PLEKHA7: variants seen among roughly 807,000 people sequenced by gnomAD.
The protein encoded by PLEKHA7 is pleckstrin homology domain-containing family A member 7.
A neutral mutation model predicts 170.0 loss-of-function variants in PLEKHA7; 104 were observed. The observed-to-expected ratio is 0.61, with a 90% confidence interval of 0.52 to 0.72. The LOEUF is 0.72. PLEKHA7 is among the 30% of genes least tolerant of loss of function. The pLI, the probability that PLEKHA7 is intolerant of heterozygous loss-of-function variation, is 0.00. For missense variants in PLEKHA7, 1,615 were observed against 1,671.7 expected, an observed-to-expected ratio of 0.97 and a Z score of 0.59; for synonymous variants, 648 against 660.8, an observed-to-expected ratio of 0.98 and a Z score of 0.30.
chr11:16,977,375 A>G (rs1360550170), intron 3 of PLEKHA7, among the ~76,000 whole-genome samples: 2 of 152,048 alleles, frequency 1.3e-5, no homozygotes, highest in African/African-American at 4.8e-5. Flanking sequence ...CACATTGCTC[A>G]CACGTCTCCC....
rs1849741569 is a variant in PLEKHA7, at chr11:16,816,195, T to C, written c.1936A>G (p.Ser646Gly). Residue 646 changes from serine (S) to glycine (G), a missense_variant, in exon 12 of 27, where the codon AGT becomes GGT. Transcript: ENST00000531066. Reference sequence around the variant, plus strand: ...CACCCTACCGATTTTCCATGTAAACTGGGAGCGCTGACGGTGTGGGTCATG... The same window carrying C: ...CACCCTACCGATTTTCCATGTAAACCGGGAGCGCTGACGGTGTGGGTCATG... ...GYMTHTVSAP[S>G]LHGKSADDTY... 3.7e-6 allele frequency: 6 copies of C among 1,613,320 alleles called. No individual in the cohort carries two copies. Among genetic ancestry groups the C allele is most frequent in the Non-Finnish European group, 5.1e-6 (6 of 1,179,304 alleles).
chr11:16,983,736 A>G (rs1863572309), intron 3 of PLEKHA7, among the ~76,000 whole-genome samples: 1 of 152,214 alleles, frequency 6.6e-6, no homozygotes, highest in South Asian at 2.1e-4. Context: ...CTCCCTGCTC[A>G]TTCCCAAGTC....
Position 16,870,155 on chromosome 11 carries a change from C to T in PLEKHA7, c.305+944G>A, listed in dbSNP as rs894845259. Among the ~76,000 whole-genome samples the T allele has an allele frequency of 1.3e-4, 20 of 152,224 alleles. No individual in the cohort carries two copies. In the South Asian group the frequency reaches 1.9e-3, roughly 14 times the overall value. On this transcript the variant is annotated intron_variant, in intron 4 of 26. Coordinates refer to ENST00000531066, the MANE Select transcript of PLEKHA7 (RefSeq NM_001329630.2). ...AACTGAGCTGAGGAGCAGGAAAGTT[C>T]CCATGTTAGGAAAAGAGAACAGAAA...
At chr11:16,866,309 A>G (rs2135590812) in intron 4 of PLEKHA7, among the ~76,000 whole-genome samples, 1 of 152,076 alleles carries the variant, frequency 6.6e-6, no homozygotes, top group African/African-American at 2.4e-5. Flanking sequence ...AGGGCAGAGC[A>G]GGCTGGGCAC....
intron 3 of PLEKHA7, among the ~76,000 whole-genome samples, chr11:16,959,793 G>A (rs1861931748): frequency 1.3e-5 from 2 of 152,142 alleles, no homozygotes; most frequent in African/African-American, 4.8e-5. Flanking sequence ...GTGGTTCCTG[G>A]CTAAAGCTCT....
intron 3 of PLEKHA7, among the ~76,000 whole-genome samples, chr11:16,889,415 AAAAAAATATATATAT>A (rs1391253582): frequency 7.7e-5 from 9 of 116,662 alleles, no homozygotes; most frequent in African/African-American, 2.5e-4. Context: ...AAAAAAAAAA[AAAAAAATATATATAT>A]ATATATATAT....
intron 3 of PLEKHA7, among the ~76,000 whole-genome samples, chr11:16,899,607 A>G (rs146070604): frequency 2.0e-5 from 3 of 152,344 alleles, no homozygotes; most frequent in Non-Finnish European, 4.4e-5. Flanking sequence ...AACTCAGTGT[A>G]GGAATGAGGC....
chr11:16,937,410 T>C (rs1180024570), intron 3 of PLEKHA7, among the ~76,000 whole-genome samples: 2 of 152,156 alleles, frequency 1.3e-5, no homozygotes, highest in East Asian at 1.9e-4. Flanking sequence ...TGTACATCTA[T>C]GATAAACACT....
intron 3 of PLEKHA7, among the ~76,000 whole-genome samples, chr11:16,984,267 TA>T (rs1863602344): frequency 6.6e-6 from 1 of 151,988 alleles, no homozygotes; most frequent in Non-Finnish European, 1.5e-5. Flanking sequence ...AATATTATCC[TA>T]AATAATTAAA....
intron 3 of PLEKHA7, among the ~76,000 whole-genome samples, chr11:16,906,844 A>G (rs1343518964): frequency 7.5e-6 from 1 of 132,566 alleles, no homozygotes; most frequent in Non-Finnish European, 1.5e-5. Flanking sequence ...AGTGAGGAGC[A>G]TCTCTGCCCG....
chr11:16,781,066 A>ACCGCTTAATTCCTGTGTGCCC, intron 26 of PLEKHA7: 2 of 968,060 alleles, frequency 2.1e-6, no homozygotes, highest in Non-Finnish European at 2.5e-6. Flanking sequence ...GATGGGGCAC[A>ACCGCTTAATTCCTGTGTGCCC]CAGGAATTAA....
chr11:16,857,759 C>T (rs1853591141), intron 4 of PLEKHA7, among the ~76,000 whole-genome samples: 1 of 152,336 alleles, frequency 6.6e-6, no homozygotes, highest in East Asian at 1.9e-4. Flanking sequence ...CGCTCTGTCG[C>T]CCGGGCTGGA....
intron 3 of PLEKHA7, among the ~76,000 whole-genome samples, chr11:16,951,643 G>A (rs752227487): frequency 5.3e-5 from 8 of 152,160 alleles, no homozygotes; most frequent in East Asian, 1.9e-4. Flanking sequence ...AAATGAAAAC[G>A]TAAAAGTTTA....
At position 17,004,729 on chromosome 11, in the gene PLEKHA7, G is replaced by T. The variant is rs574687381; in HGVS notation, c.221+9260C>A. On this transcript the variant is annotated intron_variant, in intron 3 of 26. Transcript: ENST00000531066. ...TTTAGAGAAGTCACTTTACCCCTCT[G>T]AGCCCAAATTCCCGCACTAAAAAAA... Among the ~76,000 whole-genome samples the T allele has an allele frequency of 1.6e-4, 24 of 152,072 alleles. No homozygotes were observed. The South Asian group carries it at 4.6e-3, about 29-fold the overall frequency.
intron 3 of PLEKHA7, among the ~76,000 whole-genome samples, chr11:16,881,906 C>G (rs113229045): frequency 0.013 from 1,952 of 152,314 alleles, 36 homozygotes; most frequent in African/African-American, 0.042. Context: ...CTAAGGTTCT[C>G]TCAGCACCGA....
At chr11:16,786,443 G>A (rs1590112891) in intron 23 of PLEKHA7, 56 bp from the exon 24 acceptor site, 15 of 1,531,578 alleles carry the variant, frequency 9.8e-6, no homozygotes, top group South Asian at 6.0e-5. Context: ...GAAAGAGCCC[G>A]GCTGGTCACC....
chr11:16,829,500 T>C (rs149066791), intron 9 of PLEKHA7, among the ~76,000 whole-genome samples: 1,589 of 152,302 alleles, frequency 0.01, 14 homozygotes, highest in Non-Finnish European at 0.016. Flanking sequence ...CAGGAGCCCA[T>C]ACTTACAGAA....
At chr11:16,963,954 G>A (rs1425612449) in intron 3 of PLEKHA7, among the ~76,000 whole-genome samples, 1 of 152,160 alleles carries the variant, frequency 6.6e-6, no homozygotes. Flanking sequence ...AGCACTCTTA[G>A]TTATCAACAA....
intron 12 of PLEKHA7, 79 bp from the exon 13 acceptor site, chr11:16,813,245 AT>A: frequency 7.9e-7 from 1 of 1,268,582 alleles, no homozygotes. Context: ...CATGTGAATT[AT>A]TTACATCGTG....
Sources: allele counts gnomAD v4.1 joint callset (sites outside exome capture counted in the v4.1 genomes callset), GRCh38; gene constraint gnomAD v4.1.1; transcripts MANE v1.5; gene names NCBI Gene and HGNC (gene_info 2026-07-23, HGNC 2026-07-21).